Variants in MTUS2 observed in about 807,000 individuals in gnomAD.
MTUS2 encodes microtubule-associated tumor suppressor candidate 2.
A neutral mutation model predicts 114.1 loss-of-function variants in MTUS2; 40 were observed. The ratio of observed to expected loss-of-function variants is 0.35; its 90% CI spans 0.27 to 0.46. The LOEUF (loss-of-function observed/expected upper bound fraction) is 0.46. Among genes scored for constraint, MTUS2 ranks in the 20% least tolerant of loss-of-function variants. MTUS2 has a pLI of 1.00. For missense variants in MTUS2, 1,679 were observed against 1,705.4 expected (o/e 0.98, Z 0.27); for synonymous variants, 688 against 672.0 (o/e 1.02, Z -0.37).
chr13:29,497,377 C>CG, intron 13 of MTUS2, 41 bp downstream of exon 13: 4 of 1,561,424 alleles, frequency 2.6e-6, no homozygotes, highest in Non-Finnish European at 3.5e-6. Context: ...GCAGGAACCC[C>CG]GCCCCAGCAA....
chr13:29,309,439 G>A (rs376937637), intron 6 of MTUS2, among the ~76,000 whole-genome samples: 11 of 151,880 alleles, frequency 7.2e-5, no homozygotes, highest in African/African-American at 2.7e-4. Flanking sequence ...GGTGGAGGAT[G>A]GGGGGAGGGA....
intron 2 of MTUS2, among the ~76,000 whole-genome samples, chr13:29,013,824 C>T (rs538301495): frequency 1.5e-4 from 23 of 152,330 alleles, no homozygotes; most frequent in African/African-American, 4.3e-4. Flanking sequence ...TGCAGGAAGA[C>T]GCAAAGATCT....
chr13:29,291,692 T>C (rs4112557), intron 6 of MTUS2, among the ~76,000 whole-genome samples: 3,485 of 152,312 alleles, frequency 0.023, 150 homozygotes, highest in African/African-American at 0.079. Flanking sequence ...GTCTTGTCCT[T>C]CTTTTTTCAT....
chr13:28,894,571 C>T (rs1879153840), intron 2 of MTUS2, among the ~76,000 whole-genome samples: 2 of 152,114 alleles, frequency 1.3e-5, no homozygotes, highest in Non-Finnish European at 2.9e-5. Flanking sequence ...CTGTGGCAGC[C>T]CAAGCTGACC....
At chr13:28,998,006 C>T (rs1885198494) in intron 2 of MTUS2, among the ~76,000 whole-genome samples, 1 of 152,118 alleles carries the variant, frequency 6.6e-6, no homozygotes, top group Admixed American at 6.5e-5. Flanking sequence ...TACAATTTGG[C>T]ATGTTTTTGC....
chr13:28,972,066 G>A (rs908855453), intron 2 of MTUS2, among the ~76,000 whole-genome samples: 1 of 152,226 alleles, frequency 6.6e-6, no homozygotes, highest in Non-Finnish European at 1.5e-5. Flanking sequence ...ATGGCATTGA[G>A]TCTGGGGGTG....
At chr13:28,933,302 G>A (rs984799352) in intron 2 of MTUS2, among the ~76,000 whole-genome samples, 3 of 152,166 alleles carry the variant, frequency 2.0e-5, no homozygotes, top group African/African-American at 7.2e-5. Flanking sequence ...TCAGTCTACA[G>A]TCTGCAGGCC....
chr13:28,932,350 A>G (rs73161875), intron 2 of MTUS2, among the ~76,000 whole-genome samples: 9,257 of 152,302 alleles, frequency 0.061, 388 homozygotes, highest in Non-Finnish European at 0.098. Flanking sequence ...AATTTGAAAT[A>G]TGTGGGAGGA....
rs747487048 is a variant in MTUS2, at chr13:29,026,676, G to A, written c.1978G>A (p.Ala660Thr). 35 of 1,613,844 alleles carry A rather than the reference G, an allele frequency of 2.2e-5. No individual in the cohort carries two copies. Among genetic ancestry groups the A allele is most frequent in the South Asian group, 9.9e-5 (9 of 91,076 alleles). ...TCCCCAGGCCCTGGGCCAGGTGGAC[G>A]CCTCGCTGGTTCCAGTGGGGCTTCC... is the stretch of plus-strand genomic sequence containing the variant. ...RNPQALGQVD[A>T]SLVPVGLPYA... is the part of the protein sequence containing the mutation. The change falls in exon 3 of 16, where the codon GCC becomes ACC. Residue 660 changes from alanine to threonine, a missense_variant. Coordinates refer to ENST00000612955, the MANE Select transcript of MTUS2 (RefSeq NM_001033602.4).
chr13:28,906,083 GTGGGATTGGTGGTGATATCCCCTTTAT>G (rs1335646699), intron 2 of MTUS2, among the ~76,000 whole-genome samples: 6 of 151,664 alleles, frequency 4.0e-5, no homozygotes, highest in Non-Finnish European at 4.4e-5. Context: ...TTATATTTCT[GTGGGATTGGTGGTGATATCCCCTTTAT>G]TATTTTTTAT....
At chr13:29,151,348 A>G (rs1017967463) in intron 5 of MTUS2, among the ~76,000 whole-genome samples, 4 of 152,102 alleles carry the variant, frequency 2.6e-5, no homozygotes, top group African/African-American at 9.7e-5. Flanking sequence ...CTCAAATGTT[A>G]TTGATATATA....
At position 28,905,670 on chromosome 13, in the gene MTUS2, G is replaced by C. The variant is rs542039799; in HGVS notation, c.-243+65820G>C. ...ATTCAGTTTGCCAGTATTTTATTGA[G>C]GATTTTTGCATCAATGTTCATCAAG... On this transcript the variant is annotated intron_variant, in intron 2 of 15. Coordinates refer to ENST00000612955, the MANE Select transcript of MTUS2 (RefSeq NM_001033602.4). 3.7e-3 allele frequency among the ~76,000 whole-genome samples: 565 copies of C among 151,476 alleles called. 33 individuals are homozygous for C. The highest frequency in any genetic ancestry group is 0.013 in the African/African-American group (544 of 41,066).
intron 3 of MTUS2, among the ~76,000 whole-genome samples, chr13:29,031,339 A>AAT (rs919416012): frequency 2.1e-5 from 3 of 146,202 alleles, no homozygotes; most frequent in Admixed American, 6.9e-5. Flanking sequence ...TATATGTTTC[A>AAT]ATATATATAT....
chr13:29,410,800 C>T (rs2388083), intron 8 of MTUS2, among the ~76,000 whole-genome samples: 83,044 of 148,646 alleles, frequency 0.56, 26,266 homozygotes, highest in Admixed American at 0.72. Context: ...TAAAGTCATT[C>T]CCACACTATT....
intron 1 of MTUS2, 98 bp from the exon 2 acceptor site, chr13:28,839,676 AACTT>A (rs1169164500): frequency 6.6e-6 from 1 of 152,204 alleles, no homozygotes; most frequent in African/African-American, 2.4e-5. Flanking sequence ...CTTCTGAACT[AACTT>A]TATGTTTTGG....
chr13:29,329,856 C>T (rs1900694432), intron 7 of MTUS2, among the ~76,000 whole-genome samples: 1 of 152,084 alleles, frequency 6.6e-6, no homozygotes, highest in Non-Finnish European at 1.5e-5. Flanking sequence ...TCAGGTGATC[C>T]ACCCATCTCA....
chr13:29,120,637 G>A (rs1390971876), intron 5 of MTUS2, among the ~76,000 whole-genome samples: 1 of 152,138 alleles, frequency 6.6e-6, no homozygotes, highest in Non-Finnish European at 1.5e-5. Context: ...AGAATAAAAA[G>A]AAAGGGACTA....
chr13:29,381,596 CT>C (rs1268712053), intron 8 of MTUS2, among the ~76,000 whole-genome samples: 3 of 152,192 alleles, frequency 2.0e-5, no homozygotes, highest in African/African-American at 7.2e-5. Flanking sequence ...AGATGAATTA[CT>C]TTGCCTAAAG....
intron 2 of MTUS2, among the ~76,000 whole-genome samples, chr13:29,000,449 A>G (rs1414220465): frequency 6.6e-6 from 1 of 151,434 alleles, no homozygotes; most frequent in Non-Finnish European, 1.5e-5. Flanking sequence ...TGCAACCTCC[A>G]CCCCCTGGGT....
Sources: allele counts gnomAD v4.1 joint callset (sites outside exome capture counted in the v4.1 genomes callset), GRCh38; gene constraint gnomAD v4.1.1; transcripts MANE v1.5; gene names NCBI Gene and HGNC (gene_info 2026-07-23, HGNC 2026-07-21).